KCNJ1: variants seen among roughly 807,000 people sequenced by gnomAD.
KCNJ1 encodes ATP-sensitive inward rectifier potassium channel 1.
A neutral mutation model predicts 21.9 loss-of-function variants in KCNJ1; 24 were observed. The observed-to-expected ratio is 1.10, with a 90% CI of 0.79 to 1.54. The LOEUF is 1.54. Among genes scored for constraint, KCNJ1 ranks in the 40% most tolerant of loss-of-function variants. KCNJ1 has a pLI of 0.00. For missense variants in KCNJ1, 457 were observed against 455.4 expected (o/e 1.00, Z -0.03); for synonymous variants, 152 against 160.9 (o/e 0.94, Z 0.42).
Position 128,864,058 on chromosome 11 carries a change from TTTTTTC to T in KCNJ1, c.-192+3109_-192+3114del, listed in dbSNP as rs1233325036. On this transcript the variant is annotated intron_variant, in intron 1 of 2. Transcript: ENST00000392666. ...GGTTTATTACTGACTTTTCTTTTTC[TTTTTTC>T]TTTTTCTCTCTTTTTTTTTTTTTTT... Among the ~76,000 whole-genome samples the T allele has an allele frequency of 2.0e-5, 3 of 150,464 alleles. No homozygotes were observed. In the East Asian group the frequency reaches 5.8e-4, roughly 29 times the overall value.
At position 128,839,499 on chromosome 11, in the gene KCNJ1, T is replaced by C; in HGVS notation, c.745A>G (p.Ile249Val). ...ENLFFISPLT[I>V]YHVIDHNSPF... ...CTGTTGTGATCAATGACATGGTAAA[T>C]TGTCAATGGGGAGATGAAGAATAAA... Residue 249 changes from isoleucine to valine, a missense_variant, in exon 3 of 3, where the codon ATT becomes GTT. Ile to Val is a conservative substitution (Grantham distance 29). Transcript: ENST00000392666. The C allele has an allele frequency of 6.2e-7, 1 of 1,614,126 alleles. No individual in the cohort carries two copies.
intron 2 of KCNJ1, 94 bp downstream of exon 2, chr11:128,850,627 T>C: frequency 8.1e-6 from 4 of 496,014 alleles, no homozygotes; most frequent in Non-Finnish European, 1.0e-5. Context: ...TCCCACAGCC[T>C]TTGCTTAAGA....
chr11:128,843,934 G>A (rs1401992004), intron 2 of KCNJ1, among the ~76,000 whole-genome samples: 4 of 152,162 alleles, frequency 2.6e-5, no homozygotes, highest in Admixed American at 6.5e-5. Context: ...TCTATGAAAT[G>A]ACCAGTGATG....
intron 1 of KCNJ1, among the ~76,000 whole-genome samples, chr11:128,865,427 C>A (rs1943800380): frequency 6.6e-6 from 1 of 151,882 alleles, no homozygotes; most frequent in Non-Finnish European, 1.5e-5. Context: ...ATCCAAAACA[C>A]AATGAGTTCT....
Position 128,838,171 on chromosome 11 carries a change from G to T in KCNJ1, c.*954C>A, listed in dbSNP as rs1943200840. ...TTCACAGTAAAACTTTCCCCTCAAG[G>T]TCGAGCCTTCCATAAGCTGGTCCCT... On this transcript the variant is annotated 3_prime_UTR_variant, in exon 3 of 3. Coordinates refer to ENST00000392666, the MANE Select transcript of KCNJ1 (RefSeq NM_153766.3). The T allele has an allele frequency of 6.6e-6, 1 of 152,608 alleles. No homozygotes were observed. The highest frequency in any genetic ancestry group is 2.4e-5 in the African/African-American group (1 of 41,432). 9.5% of individuals were successfully genotyped at this position (152,608 alleles called of 1,614,324 possible).
intron 2 of KCNJ1, among the ~76,000 whole-genome samples, chr11:128,847,416 C>T (rs751457709): frequency 6.6e-6 from 1 of 152,212 alleles, no homozygotes; most frequent in South Asian, 2.1e-4. Flanking sequence ...CTGGTGAGAA[C>T]CAATTCCATT....
At chr11:128,856,769 G>T (rs1435132089) in intron 1 of KCNJ1, among the ~76,000 whole-genome samples, 2 of 151,920 alleles carry the variant, frequency 1.3e-5, no homozygotes, top group African/African-American at 2.4e-5. Context: ...AATCTTGTCT[G>T]CTCTTTCTAC....
At chr11:128,859,989 G>T (rs893604468) in intron 1 of KCNJ1, among the ~76,000 whole-genome samples, 1 of 152,194 alleles carries the variant, frequency 6.6e-6, no homozygotes, top group African/African-American at 2.4e-5. Context: ...GCCCACACTC[G>T]CCTCCGCCGG....
In KCNJ1 at chr11:128,844,011, C is replaced by T. The variant is rs1943335337; in HGVS notation, c.-21-3747G>A. On this transcript the variant is annotated intron_variant, in intron 2 of 2. Coordinates refer to ENST00000392666, the MANE Select transcript of KCNJ1 (RefSeq NM_153766.3). ...CTATTTTGATGAGCAGAACTGTAACCCTGAGGCCAAGCCCTGAAGATGAGT... is the reference window on the plus strand; with the variant it reads ...CTATTTTGATGAGCAGAACTGTAACTCTGAGGCCAAGCCCTGAAGATGAGT... Among the ~76,000 whole-genome samples, 2 of 152,174 alleles carry T rather than the reference C, an allele frequency of 1.3e-5. 1 individual carries two copies. The highest frequency in any genetic ancestry group is 4.1e-4 in the South Asian group (2 of 4,832).
At chr11:128,846,728 GTTCTTCTC>G (rs1374434737) in intron 2 of KCNJ1, among the ~76,000 whole-genome samples, 3 of 152,170 alleles carry the variant, frequency 2.0e-5, no homozygotes, top group Non-Finnish European at 4.4e-5. Context: ...GCTTGATGCT[GTTCTTCTC>G]TCACCCTAGG....
At chr11:128,847,843 TTTTCA>T (rs1049410583) in intron 2 of KCNJ1, among the ~76,000 whole-genome samples, 1 of 152,166 alleles carries the variant, frequency 6.6e-6, no homozygotes, top group African/African-American at 2.4e-5. Flanking sequence ...TGTATTTTCT[TTTTCA>T]TTTCTTTTCT....
chr11:128,840,586 C>A (rs765915824), intron 2 of KCNJ1, among the ~76,000 whole-genome samples: 9 of 152,090 alleles, frequency 5.9e-5, no homozygotes, highest in Non-Finnish European at 1.3e-4. Flanking sequence ...TTGTAATAAC[C>A]AATTATGACC....
chr11:128,857,927 T>C (rs1943617832), intron 1 of KCNJ1, among the ~76,000 whole-genome samples: 1 of 152,236 alleles, frequency 6.6e-6, no homozygotes, highest in Non-Finnish European at 1.5e-5. Context: ...TGGGTATTTA[T>C]TTACATTTTT....
intron 1 of KCNJ1, among the ~76,000 whole-genome samples, chr11:128,855,173 C>A (rs1943564522): frequency 6.6e-6 from 1 of 152,164 alleles, no homozygotes; most frequent in Non-Finnish European, 1.5e-5. Context: ...TACGGTTTTT[C>A]TTTCCTTTTC....
chr11:128,854,813 G>A (rs1943554260), intron 1 of KCNJ1, among the ~76,000 whole-genome samples: 1 of 152,198 alleles, frequency 6.6e-6, no homozygotes, highest in Non-Finnish European at 1.5e-5. Flanking sequence ...TGACACACCT[G>A]CAGGGCCAAA....
chr11:128,847,770 G>A (rs945090264), intron 2 of KCNJ1, among the ~76,000 whole-genome samples: 1 of 152,234 alleles, frequency 6.6e-6, no homozygotes, highest in Non-Finnish European at 1.5e-5. Flanking sequence ...CCAGTCTTTG[G>A]TGGCAGCCCA....
intron 1 of KCNJ1, among the ~76,000 whole-genome samples, chr11:128,860,380 G>A (rs1358674247): frequency 2.0e-5 from 3 of 152,220 alleles, no homozygotes; most frequent in South Asian, 2.1e-4. Context: ...GGCAATGACC[G>A]TCTGATATAA....
At chr11:128,853,908 C>G (rs976030384) in intron 1 of KCNJ1, among the ~76,000 whole-genome samples, 2 of 152,236 alleles carry the variant, frequency 1.3e-5, no homozygotes, top group African/African-American at 4.8e-5. Flanking sequence ...TCTGCTCACC[C>G]TCACTGCTAA....
chr11:128,864,848 C>G (rs1294734394), intron 1 of KCNJ1, among the ~76,000 whole-genome samples: 1 of 152,122 alleles, frequency 6.6e-6, no homozygotes, highest in Non-Finnish European at 1.5e-5. Flanking sequence ...GTAATCTCCT[C>G]CCTGATTACC....
Sources: allele counts gnomAD v4.1 joint callset (sites outside exome capture counted in the v4.1 genomes callset), GRCh38; gene constraint gnomAD v4.1.1; transcripts MANE v1.5; gene names NCBI Gene and HGNC (gene_info 2026-07-23, HGNC 2026-07-21).